Variants in CCDC7 observed in about 807,000 individuals in gnomAD.
CCDC7 encodes coiled-coil domain containing 7, also known as coiled-coil domain-containing protein 7.
In CCDC7, 183 loss-of-function variants were observed where a neutral mutation model predicts 196.9. That is an observed-to-expected ratio of 0.93 (90% CI 0.82 to 1.05). CCDC7 has a LOEUF of 1.05. CCDC7 is among the 50% of genes least tolerant of loss of function. The pLI is 0.00. For missense variants in CCDC7, 1,540 were observed against 1,482.2 expected (o/e 1.04, Z -0.64); for synonymous variants, 525 against 484.6 (o/e 1.08, Z -1.10).
At chr10:32,699,533 T>G (rs2078293169) in intron 24 of CCDC7, among the ~76,000 whole-genome samples, 1 of 149,072 alleles carries the variant, frequency 6.7e-6, no homozygotes, top group South Asian at 2.1e-4. Context: ...TGTGTCTTTA[T>G]AGCAGCATGA....
chr10:32,509,794 A>G (rs199976127), intron 9 of CCDC7, among the ~76,000 whole-genome samples: 1 of 152,230 alleles, frequency 6.6e-6, no homozygotes, highest in Non-Finnish European at 1.5e-5. Context: ...GGTACTTTAT[A>G]TCACCAATCA....
At chr10:32,504,936 G>A (rs115652359) in intron 9 of CCDC7, among the ~76,000 whole-genome samples, 194 of 152,284 alleles carry the variant, frequency 1.3e-3, no homozygotes, top group African/African-American at 3.9e-3. Context: ...CTAAAGTATC[G>A]TTCAAGTCCG....
chr10:32,636,866 T>A (rs2065752692), intron 20 of CCDC7, among the ~76,000 whole-genome samples: 1 of 152,268 alleles, frequency 6.6e-6, no homozygotes, highest in African/African-American at 2.4e-5. Context: ...GTGTTGCTAT[T>A]TCTCCACATC....
intron 31 of CCDC7, among the ~76,000 whole-genome samples, chr10:32,819,367 G>C (rs1593104115): frequency 1.3e-5 from 2 of 152,290 alleles, no homozygotes; most frequent in African/African-American, 4.8e-5. Flanking sequence ...TGGATTCATA[G>C]CTGAATTCTC....
chr10:32,676,444 G>A (rs2074988688), intron 21 of CCDC7, among the ~76,000 whole-genome samples: 1 of 150,802 alleles, frequency 6.6e-6, no homozygotes, highest in South Asian at 2.1e-4. Context: ...CCTACAAAAT[G>A]GGAGAAAATT....
chr10:32,453,466 A>G (rs1276338519), intron 2 of CCDC7, 30 bp downstream of exon 3: 1 of 1,372,506 alleles, frequency 7.3e-7, no homozygotes, highest in Non-Finnish European at 9.6e-7. Context: ...ATATAGAGAC[A>G]TTAACACTGA....
At chr10:32,461,479 G>A (rs2035603262) in intron 3 of CCDC7, among the ~76,000 whole-genome samples, 1 of 151,864 alleles carries the variant, frequency 6.6e-6, no homozygotes, top group South Asian at 2.1e-4. Context: ...AGTTTCTCTT[G>A]TAATTTCTCA....
At chr10:32,704,822 A>T (rs4360603) in intron 24 of CCDC7, among the ~76,000 whole-genome samples, 17,359 of 152,140 alleles carry the variant, frequency 0.11, 1,251 homozygotes, top group South Asian at 0.27. Flanking sequence ...CAGGCGCGGG[A>T]TATATTCTCC....
chr10:32,701,071 G>T (rs2078630747), intron 24 of CCDC7, among the ~76,000 whole-genome samples: 1 of 152,138 alleles, frequency 6.6e-6, no homozygotes, highest in African/African-American at 2.4e-5. Flanking sequence ...TGATTGCCCT[G>T]GTCAGAACTT....
intron 20 of CCDC7, among the ~76,000 whole-genome samples, chr10:32,636,885 C>A (rs1441742425): frequency 6.6e-6 from 1 of 152,126 alleles, no homozygotes; most frequent in Non-Finnish European, 1.5e-5. Flanking sequence ...TCCTCTCCAG[C>A]ACCTGTTGTT....
intron 28 of CCDC7, among the ~76,000 whole-genome samples, chr10:32,732,602 A>G (rs1303429545): frequency 6.6e-6 from 1 of 152,066 alleles, no homozygotes; most frequent in Non-Finnish European, 1.5e-5. Flanking sequence ...TTTTATATAC[A>G]TACACATTTT....
intron 31 of CCDC7, 142 bp from the exon 33 acceptor site, chr10:32,824,376 C>A (rs1001635299): frequency 1.4e-5 from 7 of 483,138 alleles, no homozygotes; most frequent in Admixed American, 3.5e-5. Context: ...AATTTGAATT[C>A]CTATGTTGCT....
chr10:32,629,849 G>T (rs2064590558), intron 18 of CCDC7, among the ~76,000 whole-genome samples: 1 of 152,154 alleles, frequency 6.6e-6, no homozygotes, highest in South Asian at 2.1e-4. Flanking sequence ...TGTAAGGCTG[G>T]AATTATTGCA....
intron 31 of CCDC7, 151 bp from the exon 33 acceptor site, chr10:32,824,367 A>G: frequency 6.4e-6 from 3 of 471,958 alleles, no homozygotes; most frequent in Non-Finnish European, 7.6e-6. Flanking sequence ...TTTCCTTTCA[A>G]TTTGAATTCC....
chr10:32,662,549 A>G (rs1293668475), intron 20 of CCDC7, among the ~76,000 whole-genome samples: 2 of 152,154 alleles, frequency 1.3e-5, no homozygotes, highest in African/African-American at 4.8e-5. Context: ...GATGATAAGC[A>G]TCTAATGGAG....
chr10:32,806,257 A>G (rs2085827593), intron 30 of CCDC7, among the ~76,000 whole-genome samples: 1 of 152,226 alleles, frequency 6.6e-6, no homozygotes, highest in South Asian at 2.1e-4. Flanking sequence ...CCCAGAAAGA[A>G]GAGGAAAAGA....
intron 18 of CCDC7, among the ~76,000 whole-genome samples, chr10:32,603,535 T>A (rs920365339): frequency 1.3e-5 from 2 of 151,794 alleles, no homozygotes; most frequent in Admixed American, 6.6e-5. Flanking sequence ...AATGTTTTTT[T>A]TAATAATGAT....
chr10:32,642,126 G>A (rs182957171), intron 20 of CCDC7, among the ~76,000 whole-genome samples: 1,586 of 152,316 alleles, frequency 0.01, 10 homozygotes, highest in Middle Eastern at 0.024. Context: ...CAGTCTGTCC[G>A]TTCTCAGATC....
intron 39 of CCDC7, among the ~76,000 whole-genome samples, chr10:32,850,788 C>T (rs1183343196): frequency 1.9e-5 from 1 of 52,878 alleles, no homozygotes; most frequent in African/African-American, 5.0e-5. Flanking sequence ...CACACACACA[C>T]ACACACACAC....
Sources: gnomAD v4.1 joint callset for allele counts (sites outside exome capture counted in the v4.1 genomes callset) on GRCh38, gnomAD v4.1.1 for gene constraint, MANE v1.5 for transcripts, NCBI Gene and HGNC (gene_info 2026-07-23, HGNC 2026-07-21) for gene names.